The following ST8SIA1 variants were observed in gnomAD, a reference collection of about 807,000 sequenced individuals.
ST8SIA1 encodes the protein ST8 alpha-N-acetyl-neuraminide alpha-2,8-sialyltransferase 1.
In ST8SIA1, 16 loss-of-function variants were observed where a neutral mutation model predicts 35.9. That is an observed-to-expected ratio of 0.45 (90% CI 0.30 to 0.68). The LOEUF (loss-of-function observed/expected upper bound fraction) is 0.68. Among genes scored for constraint, ST8SIA1 ranks in the 30% least tolerant of loss-of-function variants. The pLI is 0.09. For missense variants in ST8SIA1, 383 were observed against 453.6 expected (o/e 0.84, Z 1.41); for synonymous variants, 170 against 169.6 (o/e 1.00, Z -0.02).
intron 1 of ST8SIA1, among the ~76,000 whole-genome samples, chr12:22,296,196 C>T (rs11613665): frequency 0.11 from 17,178 of 152,170 alleles, 1,236 homozygotes; most frequent in Middle Eastern, 0.23. Flanking sequence ...GAGCATGGGA[C>T]GGACTGGTGT....
At chr12:22,242,214 C>G (rs935144731) in intron 4 of ST8SIA1, among the ~76,000 whole-genome samples, 4 of 152,102 alleles carry the variant, frequency 2.6e-5, no homozygotes, top group Non-Finnish European at 5.9e-5. Context: ...AAACTCTTGA[C>G]AGTTCCCCAT....
chr12:22,207,541 C>T lies in ST8SIA1; in HGVS notation c.585-5503G>A, dbSNP rs192677710. Among the ~76,000 whole-genome samples the T allele has an allele frequency of 7.7e-4, 117 of 152,114 alleles. 1 individual carries two copies. Among genetic ancestry groups the T allele is most frequent in the Non-Finnish European group, 1.1e-3 (76 of 67,992 alleles). ...GAACATAACTTGGGGGAGTGGGGGG[C>T]GGTCTGAGACAGGAGATTGCTGCTT... On this transcript the variant is annotated intron_variant, in intron 4 of 4. Coordinates refer to ENST00000396037, the MANE Select transcript of ST8SIA1 (RefSeq NM_003034.4).
intron 4 of ST8SIA1, among the ~76,000 whole-genome samples, chr12:22,210,482 C>G (rs1565567478): frequency 6.6e-6 from 1 of 152,058 alleles, no homozygotes; most frequent in Admixed American, 6.5e-5. Context: ...AACAAGCAAT[C>G]AGTTTTACAG....
intron 2 of ST8SIA1, among the ~76,000 whole-genome samples, chr12:22,259,612 C>G (rs1322335013): frequency 6.6e-6 from 1 of 151,886 alleles, no homozygotes; most frequent in Non-Finnish European, 1.5e-5. Flanking sequence ...ACTACAGGCA[C>G]CCGCTACCAT....
At chr12:22,213,963 A>C (rs1865204591) in intron 4 of ST8SIA1, among the ~76,000 whole-genome samples, 1 of 152,162 alleles carries the variant, frequency 6.6e-6, no homozygotes, top group South Asian at 2.1e-4. Context: ...AAGTGGTTTC[A>C]GTTTGGGGGA....
chr12:22,284,824 C>T (rs189331006), intron 2 of ST8SIA1, among the ~76,000 whole-genome samples: 1 of 152,248 alleles, frequency 6.6e-6, no homozygotes, highest in East Asian at 1.9e-4. Flanking sequence ...TTGCTGCAAC[C>T]GATAGATAAT....
intron 4 of ST8SIA1, among the ~76,000 whole-genome samples, chr12:22,219,797 C>T (rs1865277094): frequency 1.3e-5 from 2 of 152,142 alleles, no homozygotes; most frequent in Admixed American, 6.5e-5. Flanking sequence ...TATAAGACAT[C>T]ATGCCAGGGT....
rs1322219894 is a variant in ST8SIA1 at position 22,276,340 on chromosome 12, G to C, written c.381+10809C>G. ...ATGTAACTAACTGTGTGAACACTCG[G>C]GATTTTTCTCCTCTGTCCCGAGGTT... On this transcript the variant is annotated intron_variant, in intron 2 of 4. Transcript: ENST00000396037. 2.0e-5 allele frequency among the ~76,000 whole-genome samples: 3 copies of C among 152,146 alleles called. No homozygotes were observed. The South Asian group carries it at 6.2e-4, about 32-fold the overall frequency.
In ST8SIA1 at chr12:22,196,134, C is replaced by T. The variant is rs1451666356; in HGVS notation, c.*5418G>A. ...GGAGTGACCATAAAATATAATTCCT[C>T]TTCTGTGCTTTAAAAAGTTAGAGTC... On this transcript the variant is annotated 3_prime_UTR_variant, in exon 5 of 5. Transcript: ENST00000396037. 3.9e-5 allele frequency: 6 copies of T among 152,300 alleles called. No homozygotes were observed. The highest frequency in any genetic ancestry group is 1.4e-4 in the African/African-American group (6 of 41,576). 9.4% of individuals were successfully genotyped at this position (152,300 alleles called of 1,614,324 possible). A position where few individuals can be genotyped will look rare whatever the true frequency, so the allele number is the denominator to read the frequency against.
In ST8SIA1 at chr12:22,334,076, T is replaced by C; in HGVS notation, c.157A>G (p.Asn53Asp). 2.5e-6 allele frequency: 4 copies of C among 1,613,838 alleles called. No homozygotes were observed. Among genetic ancestry groups the C allele is most frequent in the Non-Finnish European group, 3.4e-6 (4 of 1,179,954 alleles). The change falls in exon 1 of 5, where the codon AAC (asparagine) becomes GAC (aspartate). Residue 53 changes from asparagine to aspartate, a missense_variant. Asn to Asp is a conservative substitution (Grantham distance 23). Transcript: ENST00000396037. ...ACCCCCTGCACGATCTCTTTCTCGT[T>C]GGGCAGCCGGTAGACGGGGAAGATG... ...LYIFPVYRLP[N>D]EKEIVQGVLQ...
At chr12:22,237,354 C>T (rs975967461) in intron 4 of ST8SIA1, among the ~76,000 whole-genome samples, 20 of 152,142 alleles carry the variant, frequency 1.3e-4, no homozygotes, top group Admixed American at 1.0e-3. Flanking sequence ...ACCTCAGCCT[C>T]CTACCTCCCA....
chr12:22,242,364 G>C (rs972233114), intron 4 of ST8SIA1, among the ~76,000 whole-genome samples: 1 of 152,078 alleles, frequency 6.6e-6, no homozygotes, highest in African/African-American at 2.4e-5. Flanking sequence ...CTGACAAAAA[G>C]TTAATAAATT....
intron 4 of ST8SIA1, among the ~76,000 whole-genome samples, chr12:22,243,415 C>T (rs1865562071): frequency 1.4e-5 from 1 of 71,622 alleles, no homozygotes; most frequent in Non-Finnish European, 3.3e-5. Context: ...TATAGAAATA[C>T]ATACTGCCTC....
chr12:22,275,325 C>T (rs3819869), intron 2 of ST8SIA1, among the ~76,000 whole-genome samples: 7 of 152,032 alleles, frequency 4.6e-5, no homozygotes, highest in Non-Finnish European at 8.8e-5. Flanking sequence ...AGGCCAAGGG[C>T]GGGTGTATCA....
intron 4 of ST8SIA1, among the ~76,000 whole-genome samples, chr12:22,210,095 T>C (rs935709014): frequency 2.0e-5 from 3 of 152,192 alleles, no homozygotes; most frequent in African/African-American, 7.2e-5. Context: ...ATGGCAATTT[T>C]TTTAAATGAC....
chr12:22,318,895 A>G (rs1866550648), intron 1 of ST8SIA1, among the ~76,000 whole-genome samples: 1 of 152,184 alleles, frequency 6.6e-6, no homozygotes, highest in African/African-American at 2.4e-5. Flanking sequence ...CGAGTCCCAG[A>G]GCCAGACAGA....
At chr12:22,326,393 T>G (rs1866682184) in intron 1 of ST8SIA1, 1 of 152,642 alleles carries the variant, frequency 6.6e-6, no homozygotes, top group African/African-American at 2.4e-5. Context: ...TCAGATATTC[T>G]TTTACTGAAA....
chr12:22,318,877 G>A (rs112142141), intron 1 of ST8SIA1, among the ~76,000 whole-genome samples: 178 of 152,252 alleles, frequency 1.2e-3, no homozygotes, highest in African/African-American at 4.0e-3. Flanking sequence ...GCACAGTAAG[G>A]AAGTTTGCGA....
At chr12:22,219,099 G>A (rs2120657507) in intron 4 of ST8SIA1, among the ~76,000 whole-genome samples, 1 of 152,094 alleles carries the variant, frequency 6.6e-6, no homozygotes, top group East Asian at 1.9e-4. Flanking sequence ...ACAACTGATA[G>A]AACTATTTGC....
Sources: gnomAD v4.1 joint callset for allele counts (sites outside exome capture counted in the v4.1 genomes callset) on GRCh38, gnomAD v4.1.1 for gene constraint, MANE v1.5 for transcripts, NCBI Gene and HGNC (gene_info 2026-07-23, HGNC 2026-07-21) for gene names.